The following DTL variants were observed in gnomAD, a reference collection of about 807,000 sequenced individuals.
DTL encodes denticleless protein homolog.
In DTL, 46 loss-of-function variants were observed where a neutral mutation model predicts 87.0. The observed-to-expected ratio is 0.53, with a 90% CI of 0.42 to 0.68. The LOEUF (loss-of-function observed/expected upper bound fraction) is 0.68. Among genes scored for constraint, DTL ranks in the 30% least tolerant of loss-of-function variants. The pLI is 0.00. For missense variants in DTL, 737 were observed against 869.4 expected, an observed-to-expected ratio of 0.85 and a Z score of 1.91; for synonymous variants, 308 against 311.2, an observed-to-expected ratio of 0.99 and a Z score of 0.11.
At chr1:212,048,914 G>A (rs916984010) in intron 5 of DTL, among the ~76,000 whole-genome samples, 1 of 151,068 alleles carries the variant, frequency 6.6e-6, no homozygotes, top group African/African-American at 2.4e-5. Flanking sequence ...TTGTTTGTTT[G>A]TTTGTTTGTT....
At chr1:212,045,765 A>T (rs1667791875) in intron 3 of DTL, among the ~76,000 whole-genome samples, 1 of 152,230 alleles carries the variant, frequency 6.6e-6, no homozygotes, top group African/African-American at 2.4e-5. Context: ...ATAGGATATA[A>T]TAGGAAGTGA....
chr1:212,087,474 C>T (rs910126655), intron 13 of DTL, among the ~76,000 whole-genome samples: 18 of 151,544 alleles, frequency 1.2e-4, no homozygotes, highest in Admixed American at 4.6e-4. Context: ...GGCGTGAACC[C>T]GGGAGGCGGA....
At chr1:212,066,678 T>C in intron 7 of DTL, 134 bp from the exon 8 acceptor site, 1 of 655,762 alleles carries the variant, frequency 1.5e-6, no homozygotes. Flanking sequence ...AGCATATATA[T>C]CTGATCGAGA....
intron 2 of DTL, among the ~76,000 whole-genome samples, chr1:212,043,960 A>C (rs1159486775): frequency 6.6e-6 from 1 of 152,194 alleles, no homozygotes; most frequent in Non-Finnish European, 1.5e-5. Context: ...ATGGTGGTGC[A>C]TGCCTGTAGT....
intron 13 of DTL, 143 bp downstream of exon 13, chr1:212,080,893 A>G: frequency 1.2e-6 from 1 of 866,874 alleles, no homozygotes; most frequent in Non-Finnish European, 1.7e-6. Flanking sequence ...CTTTTTGATA[A>G]GTATTTCCCA....
intron 12 of DTL, among the ~76,000 whole-genome samples, chr1:212,079,491 A>C (rs921187307): frequency 2.0e-5 from 3 of 152,130 alleles, no homozygotes; most frequent in African/African-American, 7.2e-5. Context: ...AGGAAAGTAA[A>C]ATATGGTTTG....
intron 11 of DTL, among the ~76,000 whole-genome samples, chr1:212,076,003 T>C (rs1398705014): frequency 6.6e-6 from 1 of 152,232 alleles, no homozygotes; most frequent in Non-Finnish European, 1.5e-5. Flanking sequence ...TTACTTAGCA[T>C]AATATCGAGG....
chr1:212,051,286 T>C (rs2102534836), intron 5 of DTL, among the ~76,000 whole-genome samples: 1 of 151,898 alleles, frequency 6.6e-6, no homozygotes, highest in Non-Finnish European at 1.5e-5. Flanking sequence ...CAATGCCATC[T>C]TTTTCCTCTC....
intron 5 of DTL, among the ~76,000 whole-genome samples, chr1:212,048,365 G>C (rs1366061911): frequency 6.6e-6 from 1 of 151,954 alleles, no homozygotes; most frequent in African/African-American, 2.4e-5. Context: ...GCTAATTTTT[G>C]TGTTTTTAGT....
chr1:212,037,444 C>T (rs1667517230), intron 1 of DTL, among the ~76,000 whole-genome samples: 1 of 152,170 alleles, frequency 6.6e-6, no homozygotes, highest in African/African-American at 2.4e-5. Flanking sequence ...CTTCTACATA[C>T]ATACAACCTT....
chr1:212,039,999 A>G (rs1429676286), intron 1 of DTL, among the ~76,000 whole-genome samples: 1 of 152,190 alleles, frequency 6.6e-6, no homozygotes, highest in African/African-American at 2.4e-5. Context: ...TTGATTAAAA[A>G]ATACTTTCTT....
At chr1:212,082,123 C>T (rs987402273) in intron 13 of DTL, among the ~76,000 whole-genome samples, 2 of 152,166 alleles carry the variant, frequency 1.3e-5, no homozygotes, top group African/African-American at 4.8e-5. Context: ...AGTGTTACAT[C>T]CTGGAAGCCA....
At position 212,103,115 on chromosome 1, in the gene DTL, A is replaced by G. The variant is rs1655672521; in HGVS notation, c.*175A>G. On this transcript the variant is annotated 3_prime_UTR_variant, in exon 15 of 15. Transcript: ENST00000366991. ...GCTGAAATGTACCTAATCTGGTTCT[A>G]CTACCATAATGTATATGCAGCTTCC... 4 of 462,862 alleles carry G rather than the reference A, an allele frequency of 8.6e-6. No individual in the cohort carries two copies. The South Asian group carries it at 1.5e-4, about 17-fold the overall frequency. The allele number at this position is 462,862 out of a possible 1,614,324, so 28.7% of individuals were successfully genotyped here.
At chr1:212,071,580 C>A (rs1654671562) in intron 10 of DTL, among the ~76,000 whole-genome samples, 1 of 152,066 alleles carries the variant, frequency 6.6e-6, no homozygotes, top group Admixed American at 6.6e-5. Context: ...TCAAATGATA[C>A]TTTTCACTGA....
chr1:212,100,758 T>A lies in DTL; in HGVS notation c.1768T>A (p.Cys590Ser). ...QVENLHLDLC[C>S]LAGNQEDLSK... ...TGAAAATCTTCATTTGGATCTGTGC[T>A]GCCTTGCTGGTAACCAGGAAGACCT... Residue 590 changes from cysteine to serine, a missense_variant, in exon 14 of 15, where the codon TGC (cysteine) becomes AGC (serine). Transcript: ENST00000366991. 6.2e-7 allele frequency: 1 copy of A among 1,614,180 alleles called. No individual in the cohort carries two copies. Among genetic ancestry groups the A allele is most frequent in the Non-Finnish European group, 8.5e-7 (1 of 1,180,028 alleles).
intron 13 of DTL, 80 bp from the exon 14 acceptor site, chr1:212,100,172 C>A: frequency 9.1e-7 from 1 of 1,093,190 alleles, no homozygotes; most frequent in Non-Finnish European, 1.3e-6. Context: ...ATTAGGTTAG[C>A]TATGATTTTT....
rs1468845787 is a variant in DTL, at chr1:212,101,015, A to G, written c.2025A>G (p.Pro675=). The G allele has an allele frequency of 3.7e-6, 6 of 1,614,070 alleles. No homozygotes were observed. Among genetic ancestry groups the G allele is most frequent in the East Asian group, 2.2e-5 (1 of 44,878 alleles). ...CAGCCAAACGGAAGGCTGAGAATCCATCTCCACGAAGTCCGTCATCCCAGA... is the reference window on the plus strand; with the variant it reads ...CAGCCAAACGGAAGGCTGAGAATCCGTCTCCACGAAGTCCGTCATCCCAGA... ...AMAAKRKAEN[P]SPRSPSSQTP... is the part of the protein sequence containing the mutation. The change falls in exon 14 of 15, where the codon CCA becomes CCG. Residue 675 remains proline (P), a synonymous_variant. Coordinates refer to ENST00000366991, the MANE Select transcript of DTL (RefSeq NM_016448.4).
At chr1:212,060,840 G>A (rs919490819) in intron 5 of DTL, among the ~76,000 whole-genome samples, 6 of 151,984 alleles carry the variant, frequency 3.9e-5, no homozygotes, top group African/African-American at 1.5e-4. Flanking sequence ...CAGGATATTG[G>A]TTTAGGCAAA....
chr1:212,048,130 T>A (rs1667859881), intron 5 of DTL, among the ~76,000 whole-genome samples: 1 of 152,226 alleles, frequency 6.6e-6, no homozygotes, highest in African/African-American at 2.4e-5. Context: ...ATAAACAACA[T>A]AATTTTTTTC....
Sources: gnomAD v4.1 joint callset for allele counts (sites outside exome capture counted in the v4.1 genomes callset) on GRCh38, gnomAD v4.1.1 for gene constraint, MANE v1.5 for transcripts, NCBI Gene and HGNC (gene_info 2026-07-23, HGNC 2026-07-21) for gene names.